TNRC6C: variants seen among roughly 807,000 people sequenced by gnomAD.
The protein encoded by TNRC6C is trinucleotide repeat-containing gene 6C protein.
TNRC6C carries 20 observed loss-of-function variants against 153.7 expected under a neutral mutation model. That is an observed-to-expected ratio of 0.13 (90% CI 0.09 to 0.19). TNRC6C has a LOEUF of 0.19. Among genes scored for constraint, TNRC6C ranks in the 10% least tolerant of loss-of-function variants. The pLI, the probability that TNRC6C is intolerant of heterozygous loss-of-function variation, is 1.00. For missense variants in TNRC6C, 1,987 were observed against 2,172.0 expected (o/e 0.91, Z 1.69); for synonymous variants, 811 against 841.4 (o/e 0.96, Z 0.63).
chr17:78,035,088 G>T (rs1003703715), intron 2 of TNRC6C, among the ~76,000 whole-genome samples: 6 of 152,194 alleles, frequency 3.9e-5, no homozygotes, highest in Non-Finnish European at 8.8e-5. Flanking sequence ...AAAATGAGAG[G>T]TTTGAACCTC....
chr17:78,045,938 TATC>T (rs1245877306), intron 2 of TNRC6C, among the ~76,000 whole-genome samples: 1 of 151,840 alleles, frequency 6.6e-6, no homozygotes. Context: ...ATGTTATAGG[TATC>T]ATCCTCTAAC....
exon 3 of TNRC6C, chr17:78,050,491 G>A (rs1002151640): frequency 6.8e-6 from 11 of 1,613,932 alleles, no homozygotes; most frequent in Non-Finnish European, 9.3e-6. Context: ...CAATGGGACA[G>A]AGGCCTGGGG....
intron 1 of TNRC6C, among the ~76,000 whole-genome samples, chr17:77,968,060 G>GCCT (rs1233353524): frequency 6.6e-6 from 1 of 152,154 alleles, no homozygotes; most frequent in Non-Finnish European, 1.5e-5. Context: ...TTGAGACAGA[G>GCCT]CCTCGCTCTG....
intron 17 of TNRC6C, among the ~76,000 whole-genome samples, chr17:78,101,188 TC>T (rs1265587305): frequency 6.6e-6 from 1 of 152,196 alleles, no homozygotes; most frequent in East Asian, 1.9e-4. Context: ...CCAGATACCC[TC>T]AATCATCCCT....
chr17:77,996,711 A>C (rs919690880), intron 1 of TNRC6C, among the ~76,000 whole-genome samples: 3 of 152,190 alleles, frequency 2.0e-5, no homozygotes, highest in Non-Finnish European at 4.4e-5. Context: ...TCTGGTTGAA[A>C]GATGGTTGCA....
At position 78,047,797 on chromosome 17, in the gene TNRC6C, A is replaced by AT. The variant is rs1479262583; in HGVS notation, c.-218-1041dup. 3.3e-5 allele frequency among the ~76,000 whole-genome samples: 5 copies of AT among 152,250 alleles called. No homozygotes were observed. The South Asian group carries it at 8.3e-4, about 25-fold the overall frequency. ...GTTTGTTGTATGTTTGGGTTAAATT[A>AT]TTTTTTTAACATTTCTTTTACTTTA... is the stretch of plus-strand genomic sequence containing the variant. On this transcript the variant is annotated intron_variant, in intron 2 of 19. Coordinates refer to ENST00000301624, the Ensembl canonical transcript of TNRC6C.
chr17:77,992,953 T>G (rs1285151101), intron 1 of TNRC6C, among the ~76,000 whole-genome samples: 1 of 152,110 alleles, frequency 6.6e-6, no homozygotes, highest in African/African-American at 2.4e-5. Context: ...GGAGGTAAAC[T>G]CTACACTTAT....
intron 1 of TNRC6C, among the ~76,000 whole-genome samples, chr17:77,970,287 C>T (rs1163774420): frequency 6.6e-6 from 1 of 152,100 alleles, no homozygotes; most frequent in Non-Finnish European, 1.5e-5. Context: ...ACTCTGTTGC[C>T]CAGGCTGGAG....
rs375224005 is a variant in TNRC6C at position 78,018,040 on chromosome 17, GATA to G, written c.-546+12964_-546+12966del. ...TTTCTATTTGTGAAATCATTTTAAA[GATA>G]ATGTCTCTTCTACTATATGATAAAC... On this transcript the variant is annotated intron_variant, in intron 1 of 19. Transcript: ENST00000301624. 1.1e-3 allele frequency among the ~76,000 whole-genome samples: 175 copies of G among 152,304 alleles called. 1 individual carries two copies. Among genetic ancestry groups the G allele is most frequent in the African/African-American group, 4.0e-3 (166 of 41,570 alleles).
At chr17:78,031,341 G>A (rs1388915062) in intron 1 of TNRC6C, among the ~76,000 whole-genome samples, 175 bp from the exon 4 acceptor site, 1 of 152,112 alleles carries the variant, frequency 6.6e-6, no homozygotes, top group Non-Finnish European at 1.5e-5. Flanking sequence ...AGATTAGTTT[G>A]TGTGTAGCAA....
chr17:77,985,610 A>AAAAAAAAAAAAAC (rs1567901526), intron 1 of TNRC6C, among the ~76,000 whole-genome samples: 1 of 151,924 alleles, frequency 6.6e-6, no homozygotes, highest in African/African-American at 2.4e-5. Context: ...TCAAAAAAAA[A>AAAAAAAAAAAAAC]AAAAAACCAG....
exon 15 of TNRC6C, chr17:78,093,074 A>C (rs770095357): frequency 1.2e-6 from 2 of 1,613,608 alleles, no homozygotes; most frequent in Non-Finnish European, 1.7e-6. Context: ...TCACGTGCCA[A>C]ATCTGACAGT....
Position 78,104,550 on chromosome 17 carries a change from T to C in TNRC6C, c.4778T>C (p.Leu1593Ser), listed in dbSNP as rs769682607. The change falls in exon 20 of 20, where the codon TTA becomes TCA. Residue 1593 changes from leucine to serine, a missense_variant. By Grantham distance (145) the Leu-to-Ser change is moderately radical (BLOSUM62 -2). Coordinates refer to ENST00000301624, the Ensembl canonical transcript of TNRC6C. The surrounding 1 kb of genome is among the most constrained non-coding windows in gnomAD (Gnocchi z 6.2). ...GGTGAAGAAGAAGTGAATCGCTTCT[T>C]AGCCCAAGGCCAGGCGCTGCCACCC... is the stretch of plus-strand genomic sequence containing the variant. The C allele has an allele frequency of 8.4e-6, 13 of 1,548,358 alleles. No individual in the cohort carries two copies. The South Asian group carries it at 1.4e-4, about 17-fold the overall frequency.
At chr17:78,053,204 G>GT (rs1210635083) in intron 3 of TNRC6C, among the ~76,000 whole-genome samples, 3 of 152,176 alleles carry the variant, frequency 2.0e-5, no homozygotes, top group African/African-American at 7.2e-5. Flanking sequence ...TAACTGACTG[G>GT]TTCCTTGGAG....
intron 1 of TNRC6C, among the ~76,000 whole-genome samples, chr17:78,025,372 C>A (rs992985046): frequency 1.3e-5 from 2 of 152,202 alleles, no homozygotes; most frequent in African/African-American, 4.8e-5. Flanking sequence ...TGATTGGCTT[C>A]TTTCACTTAA....
intron 2 of TNRC6C, among the ~76,000 whole-genome samples, chr17:78,041,777 CAGTA>C (rs1223646324): frequency 2.0e-5 from 3 of 152,190 alleles, no homozygotes; most frequent in Non-Finnish European, 4.4e-5. Context: ...TTTGTGGTAT[CAGTA>C]AGCCTTAGTA....
chr17:77,993,935 G>A (rs117107264), intron 1 of TNRC6C, among the ~76,000 whole-genome samples: 2,219 of 152,154 alleles, frequency 0.015, 31 homozygotes, highest in Middle Eastern at 0.02. Flanking sequence ...TCTCCCGCCT[G>A]AAATTCCAGC....
intron 13 of TNRC6C, chr17:78,091,234 G>A (rs1339904897): frequency 2.4e-6 from 1 of 418,946 alleles, no homozygotes; most frequent in African/African-American, 2.1e-5. Context: ...GCTGAGGCAG[G>A]AGAATCGCTT....
chr17:78,067,990 C>G, intron 5 of TNRC6C, 67 bp downstream of exon 7: 2 of 1,508,846 alleles, frequency 1.3e-6, no homozygotes, highest in Non-Finnish European at 1.8e-6. Context: ...CATTCAGTAT[C>G]CAGTTAATCA....
Sources: allele counts gnomAD v4.1 joint callset (sites outside exome capture counted in the v4.1 genomes callset), GRCh38; gene constraint gnomAD v4.1.1; non-coding constraint Gnocchi (gnomAD v3.1); transcripts MANE v1.5; gene names NCBI Gene and HGNC (gene_info 2026-07-23, HGNC 2026-07-21).